Variants in CSGALNACT1 observed in about 807,000 individuals in gnomAD.
The protein encoded by CSGALNACT1 is beta4GalNAcT-1.
In CSGALNACT1, 52 loss-of-function variants were observed where a neutral mutation model predicts 51.0. The observed-to-expected ratio is 1.02, with a 90% CI of 0.82 to 1.29. CSGALNACT1 has a LOEUF of 1.29. CSGALNACT1 is among the 50% of genes most tolerant of loss of function. CSGALNACT1 has a pLI of 0.00. For missense variants in CSGALNACT1, 935 were observed against 679.2 expected, an observed-to-expected ratio of 1.38 and a Z score of -4.19; for synonymous variants, 341 against 254.4, an observed-to-expected ratio of 1.34 and a Z score of -3.24.
Position 19,745,689 on chromosome 8 carries a change from A to C in CSGALNACT1, c.-297+12161T>G, listed in dbSNP as rs146587914. The stretch of plus-strand genomic sequence containing the variant: ...TACATCCCTCTGCCTTGAAGTACGC[A>C]GTGAGGGCTCACCATCCCCAGGGAA... On this transcript the variant is annotated intron_variant, in intron 1 of 1. Transcript: ENST00000517494. Among the ~76,000 whole-genome samples, 508 of 152,300 alleles carry C rather than the reference A, an allele frequency of 3.3e-3. 5 individuals are homozygous for C. The highest frequency in any genetic ancestry group is 0.011 in the African/African-American group (467 of 41,564).
intron 3 of CSGALNACT1, among the ~76,000 whole-genome samples, chr8:19,549,633 T>C (rs1002848569): frequency 6.6e-6 from 1 of 151,156 alleles, no homozygotes; most frequent in African/African-American, 2.4e-5. Flanking sequence ...CAGGAAACTT[T>C]CTTCACTTTC....
intron 1 of CSGALNACT1, chr8:19,689,028 G>T (rs1050389150): frequency 2.0e-5 from 3 of 152,190 alleles, no homozygotes; most frequent in Admixed American, 2.0e-4. Context: ...TTTGGCTAGG[G>T]TAAATGTTAA....
intron 3 of CSGALNACT1, among the ~76,000 whole-genome samples, chr8:19,513,038 G>A (rs977609539): frequency 5.9e-5 from 9 of 152,144 alleles, no homozygotes; most frequent in Non-Finnish European, 1.3e-4. Flanking sequence ...GCCAGAGGCA[G>A]GAAAACCATC....
chr8:19,662,486 A>G (rs1384823176), intron 1 of CSGALNACT1, among the ~76,000 whole-genome samples: 24 of 152,248 alleles, frequency 1.6e-4, no homozygotes, highest in Admixed American at 1.6e-3. Context: ...TTAAACTGTT[A>G]GGCTGATGTT....
At position 19,636,688 on chromosome 8, in the gene CSGALNACT1, GGAGT is replaced by G. The variant is rs796412199; in HGVS notation, c.-543-34827_-543-34824del. Among the ~76,000 whole-genome samples the G allele has an allele frequency of 5.0e-4, 76 of 152,176 alleles. 2 individuals carry two copies. Among genetic ancestry groups the G allele is most frequent in the African/African-American group, 1.7e-3 (70 of 41,520 alleles). Reference sequence around the variant, plus strand: ...ACAGTCGGTAGTGCTGTCCCCAAATGGAGTGAGAACTTGGTAACATCCTTCTAGA... The same window carrying G: ...ACAGTCGGTAGTGCTGTCCCCAAATGGAGAACTTGGTAACATCCTTCTAGA... On this transcript the variant is annotated intron_variant, in intron 1 of 9. Transcript: ENST00000332246.
chr8:19,537,220 T>C (rs900633137), intron 3 of CSGALNACT1, among the ~76,000 whole-genome samples: 1 of 152,150 alleles, frequency 6.6e-6, no homozygotes, highest in African/African-American at 2.4e-5. Flanking sequence ...CATTTGAGGC[T>C]GTAACTACAC....
chr8:19,534,662 G>A (rs1485896247), intron 3 of CSGALNACT1, among the ~76,000 whole-genome samples: 3 of 151,830 alleles, frequency 2.0e-5, no homozygotes, highest in Non-Finnish European at 2.9e-5. Flanking sequence ...AAAAGCAGAC[G>A]GGAATCGAAA....
intron 1 of CSGALNACT1, among the ~76,000 whole-genome samples, chr8:19,610,921 G>C (rs1453088235): frequency 6.6e-6 from 1 of 152,176 alleles, no homozygotes; most frequent in Non-Finnish European, 1.5e-5. Context: ...TGCCCACTGC[G>C]GCTTCCGGAG....
intron 3 of CSGALNACT1, among the ~76,000 whole-genome samples, chr8:19,522,279 T>A (rs928747994): frequency 6.6e-6 from 1 of 151,538 alleles, no homozygotes; most frequent in Non-Finnish European, 1.5e-5. Context: ...TATACACAGG[T>A]ACAGAGCTGG....
chr8:19,664,040 G>T (rs2058982980), intron 1 of CSGALNACT1, among the ~76,000 whole-genome samples: 1 of 152,194 alleles, frequency 6.6e-6, no homozygotes, highest in Non-Finnish European at 1.5e-5. Context: ...GCGGGCCAGG[G>T]GTAGGCCAGG....
intron 1 of CSGALNACT1, among the ~76,000 whole-genome samples, chr8:19,640,896 T>G (rs1312084389): frequency 6.6e-6 from 1 of 152,092 alleles, no homozygotes; most frequent in Non-Finnish European, 1.5e-5. Flanking sequence ...TTTTTTCCTT[T>G]CAGATTATCC....
At chr8:19,615,619 A>G (rs1183014723) in intron 1 of CSGALNACT1, among the ~76,000 whole-genome samples, 2 of 152,250 alleles carry the variant, frequency 1.3e-5, no homozygotes, top group Non-Finnish European at 1.5e-5. Flanking sequence ...TGGAAAACAT[A>G]TTAGAACTAT....
chr8:19,746,620 T>C (rs2064680902), intron 1 of CSGALNACT1, among the ~76,000 whole-genome samples: 1 of 152,238 alleles, frequency 6.6e-6, no homozygotes, highest in African/African-American at 2.4e-5. Context: ...TTAGATCAAA[T>C]GATCTCAGAG....
chr8:19,632,482 G>T (rs934567062), intron 1 of CSGALNACT1, among the ~76,000 whole-genome samples: 1 of 152,214 alleles, frequency 6.6e-6, no homozygotes, highest in African/African-American at 2.4e-5. Flanking sequence ...CATCAAAAAA[G>T]CATTCGTCAG....
At chr8:19,694,521 A>C (rs1160184756) in intron 1 of CSGALNACT1, among the ~76,000 whole-genome samples, 2 of 152,272 alleles carry the variant, frequency 1.3e-5, no homozygotes, top group East Asian at 3.8e-4. Flanking sequence ...CTGACTTAGG[A>C]TTGGAGCCAG....
At chr8:19,427,691 G>A (rs2058988652) in intron 6 of CSGALNACT1, among the ~76,000 whole-genome samples, 1 of 152,248 alleles carries the variant, frequency 6.6e-6, no homozygotes, top group South Asian at 2.1e-4. Context: ...GGGAGGCTGA[G>A]GCAAAAGAAT....
intron 4 of CSGALNACT1, among the ~76,000 whole-genome samples, chr8:19,470,552 C>T (rs184722451): frequency 2.6e-3 from 400 of 152,200 alleles, no homozygotes; most frequent in Non-Finnish European, 4.3e-3. Context: ...GGTGTGAGGG[C>T]AAGGAAGGCA....
intron 3 of CSGALNACT1, among the ~76,000 whole-genome samples, chr8:19,556,687 T>C (rs2039520049): frequency 6.6e-6 from 1 of 151,862 alleles, no homozygotes; most frequent in South Asian, 2.1e-4. Context: ...TAATAGATTC[T>C]CCTTTTTTTT....
intron 1 of CSGALNACT1, among the ~76,000 whole-genome samples, chr8:19,711,938 G>A (rs1193221683): frequency 6.6e-6 from 1 of 152,152 alleles, no homozygotes; most frequent in Non-Finnish European, 1.5e-5. Context: ...TCTAAAGGTG[G>A]TGCTAAACCC....
Sources: allele counts gnomAD v4.1 joint callset (sites outside exome capture counted in the v4.1 genomes callset), GRCh38; gene constraint gnomAD v4.1.1; transcripts MANE v1.5; gene names NCBI Gene and HGNC (gene_info 2026-07-23, HGNC 2026-07-21).